RPS6KC1: variants seen among roughly 807,000 people sequenced by gnomAD.
The protein encoded by RPS6KC1 is inactive ribosomal protein S6 kinase delta-1.
In RPS6KC1, 54 loss-of-function variants were observed where a neutral mutation model predicts 103.8. The ratio of observed to expected loss-of-function variants is 0.52; its 90% confidence interval spans 0.42 to 0.65. The LOEUF is 0.65. Among genes scored for constraint, RPS6KC1 ranks in the 30% least tolerant of loss-of-function variants. The pLI, the probability that RPS6KC1 is intolerant of heterozygous loss-of-function variation, is 0.00. For missense variants in RPS6KC1, 1,151 were observed against 1,253.8 expected, an observed-to-expected ratio of 0.92 and a Z score of 1.24; for synonymous variants, 439 against 438.7, an observed-to-expected ratio of 1.00 and a Z score of -0.01.
chr1:213,843,451 G>C, the RPS6KC1 span: 1 of 152,176 alleles, frequency 6.6e-6, no homozygotes, highest in Admixed American at 6.5e-5. Context: ...TCCTGGCTAA[G>C]TTTCCTGAAA....
chr1:213,559,682 T>C, the RPS6KC1 span, among the ~76,000 whole-genome samples: 8 of 152,342 alleles, frequency 5.3e-5, no homozygotes, highest in Non-Finnish European at 1.2e-4. Flanking sequence ...ACTTTAGTAT[T>C]GTCTAGGCAT....
chr1:213,208,093 C>A (rs2093405250), intron 8 of RPS6KC1, among the ~76,000 whole-genome samples: 1 of 152,142 alleles, frequency 6.6e-6, no homozygotes, highest in Non-Finnish European at 1.5e-5. Context: ...TACTTTTTCC[C>A]CCATTTGCGT....
At chr1:213,656,005 A>G in the RPS6KC1 span, among the ~76,000 whole-genome samples, 2 of 152,210 alleles carry the variant, frequency 1.3e-5, no homozygotes, top group African/African-American at 4.8e-5. Context: ...AGATACAAAT[A>G]CTTCGTTTTT....
At chr1:213,149,055 A>G (rs1160380612) in intron 6 of RPS6KC1, among the ~76,000 whole-genome samples, 2 of 151,774 alleles carry the variant, frequency 1.3e-5, no homozygotes, top group Admixed American at 1.3e-4. Flanking sequence ...ATTTATTTGT[A>G]TATTCTTTTT....
chr1:213,085,642 C>A (rs1200524682), intron 3 of RPS6KC1, among the ~76,000 whole-genome samples: 2 of 152,106 alleles, frequency 1.3e-5, no homozygotes, highest in Admixed American at 6.6e-5. Flanking sequence ...TTTGCTGTTA[C>A]CCTTCCTTCT....
At chr1:213,139,991 A>G (rs1394814209) in intron 6 of RPS6KC1, among the ~76,000 whole-genome samples, 3 of 151,858 alleles carry the variant, frequency 2.0e-5, no homozygotes, top group Non-Finnish European at 2.9e-5. Flanking sequence ...ATGCTTTTCT[A>G]TTTGTTTGTG....
intron 8 of RPS6KC1, 27 bp downstream of exon 8, chr1:213,176,519 T>A: frequency 2.1e-6 from 3 of 1,457,008 alleles, no homozygotes; most frequent in Non-Finnish European, 2.9e-6. Context: ...TCTTCAAGAG[T>A]TCAGTCATAA....
At chr1:213,109,327 C>T (rs1270647382) in intron 4 of RPS6KC1, among the ~76,000 whole-genome samples, 1 of 151,816 alleles carries the variant, frequency 6.6e-6, no homozygotes, top group African/African-American at 2.4e-5. Context: ...TTAGTAGAGA[C>T]GGGGTTTCAC....
the RPS6KC1 span, among the ~76,000 whole-genome samples, chr1:213,439,038 C>T: frequency 2.0e-5 from 3 of 152,160 alleles, no homozygotes; most frequent in African/African-American, 7.2e-5. Context: ...TCATGATCCA[C>T]CCGCCTCGGC....
chr1:213,377,998 A>G, the RPS6KC1 span, among the ~76,000 whole-genome samples: 2 of 152,246 alleles, frequency 1.3e-5, no homozygotes, highest in Admixed American at 6.5e-5. Flanking sequence ...TAATGCAAAT[A>G]GCAGGAGCAA....
At chr1:213,314,393 AG>A in the RPS6KC1 span, among the ~76,000 whole-genome samples, 4 of 152,232 alleles carry the variant, frequency 2.6e-5, no homozygotes, top group Admixed American at 2.0e-4. Flanking sequence ...AGTAAATTGT[AG>A]TCTTCTTGAA....
intron 14 of RPS6KC1, among the ~76,000 whole-genome samples, chr1:213,265,702 T>C (rs1441260795): frequency 6.6e-6 from 1 of 152,220 alleles, no homozygotes; most frequent in Non-Finnish European, 1.5e-5. Context: ...CAGTGTAGTA[T>C]GGTTCAATTT....
the RPS6KC1 span, among the ~76,000 whole-genome samples, chr1:213,287,714 C>A: frequency 6.6e-6 from 1 of 151,996 alleles, no homozygotes; most frequent in Non-Finnish European, 1.5e-5. Flanking sequence ...ATGCGGTATC[C>A]CTGAGGTAGA....
At chr1:213,313,514 A>G in the RPS6KC1 span, among the ~76,000 whole-genome samples, 1 of 151,820 alleles carries the variant, frequency 6.6e-6, no homozygotes, top group East Asian at 1.9e-4. Flanking sequence ...CCTATATGCC[A>G]CCTCCTTCCA....
the RPS6KC1 span, among the ~76,000 whole-genome samples, chr1:213,828,686 A>G: frequency 6.6e-6 from 1 of 152,178 alleles, no homozygotes; most frequent in South Asian, 2.1e-4. Context: ...TGTCTGGCCC[A>G]ACCCCTCACA....
chr1:213,830,065 G>A, the RPS6KC1 span, among the ~76,000 whole-genome samples: 2 of 152,260 alleles, frequency 1.3e-5, no homozygotes, highest in South Asian at 2.1e-4. Flanking sequence ...CCCACTGGCC[G>A]TAATTAGAGA....
the RPS6KC1 span, among the ~76,000 whole-genome samples, chr1:213,556,975 G>A: frequency 1.3e-5 from 2 of 152,194 alleles, no homozygotes; most frequent in African/African-American, 4.8e-5. Context: ...GTCTTCCTAG[G>A]ACTAAACAGT....
chr1:213,312,391 A>T, the RPS6KC1 span, among the ~76,000 whole-genome samples: 1 of 152,176 alleles, frequency 6.6e-6, no homozygotes, highest in Non-Finnish European at 1.5e-5. Flanking sequence ...TTAATTTCAG[A>T]GTCAGCAAGA....
chr1:213,183,953 A>G (rs942881710), intron 8 of RPS6KC1, among the ~76,000 whole-genome samples: 1 of 152,178 alleles, frequency 6.6e-6, no homozygotes, highest in Non-Finnish European at 1.5e-5. Flanking sequence ...TGCCTACATC[A>G]AAAGGATAAC....
Sources: gnomAD v4.1 joint callset for allele counts (sites outside exome capture counted in the v4.1 genomes callset) on GRCh38, gnomAD v4.1.1 for gene constraint, MANE v1.5 for transcripts, NCBI Gene and HGNC (gene_info 2026-07-23, HGNC 2026-07-21) for gene names.